The following XDH variants were observed in gnomAD, a reference collection of about 807,000 sequenced individuals.
XDH encodes xanthine dehydrogenase/oxidase.
XDH carries 138 observed loss-of-function variants against 156.1 expected under a neutral mutation model. That is an observed-to-expected ratio of 0.88 (90% CI 0.77 to 1.02). The LOEUF (loss-of-function observed/expected upper bound fraction) is 1.02, where lower values mean the gene tolerates loss of function less well. XDH is among the 50% of genes least tolerant of loss of function. The pLI is 0.00. For synonymous variants in XDH, 669 were observed against 625.7 expected (o/e 1.07, Z -1.03); for missense variants, 1,849 against 1,684.9 (o/e 1.10, Z -1.71).
At chr2:31,410,082 T>A (rs1170208179) in intron 1 of XDH, among the ~76,000 whole-genome samples, 1 of 152,196 alleles carries the variant, frequency 6.6e-6, no homozygotes, top group East Asian at 1.9e-4. Flanking sequence ...TTTTGACATA[T>A]GCTACAACAT....
chr2:31,373,748 C>T, intron 16 of XDH, 125 bp downstream of exon 16: 3 of 900,630 alleles, frequency 3.3e-6, no homozygotes, highest in Non-Finnish European at 5.3e-6. Context: ...TATTTACGCA[C>T]AAGAGTAAGG....
At chr2:31,385,675 C>T (rs1686569058) in intron 9 of XDH, among the ~76,000 whole-genome samples, 1 of 152,190 alleles carries the variant, frequency 6.6e-6, no homozygotes, top group Non-Finnish European at 1.5e-5. Flanking sequence ...GGAACCTCTC[C>T]CCATCTCTTA....
In XDH at chr2:31,339,575, T is replaced by A; in HGVS notation, c.3688A>T (p.Ile1230Phe). ...LHTRGPSTYK[I>F]PAFGSIPIEF... ...ATGGGGATGCTGCCAAATGCCGGGA[T>A]CTTGTAGGTGCTAGGGCCACGGGTG... Residue 1230 changes from isoleucine (I) to phenylalanine (F), a missense_variant, in exon 34 of 36, where the codon ATC becomes TTC. Transcript: ENST00000379416. 6.2e-7 allele frequency: 1 copy of A among 1,614,122 alleles called. No homozygotes were observed. Among genetic ancestry groups the A allele is most frequent in the Non-Finnish European group, 8.5e-7 (1 of 1,180,034 alleles).
intron 34 of XDH, among the ~76,000 whole-genome samples, chr2:31,338,232 A>G (rs1685020587): frequency 6.6e-6 from 1 of 152,238 alleles, no homozygotes; most frequent in African/African-American, 2.4e-5. Context: ...CACCATAGTC[A>G]TATTACAGCA....
At position 31,339,577 on chromosome 2, in the gene XDH, T is replaced by G. The variant is rs1279191010; in HGVS notation, c.3686A>C (p.Lys1229Thr). 2 of 1,614,214 alleles carry G rather than the reference T, an allele frequency of 1.2e-6. No individual in the cohort carries two copies. Among genetic ancestry groups the G allele is most frequent in the Non-Finnish European group, 1.7e-6 (2 of 1,180,046 alleles). ...GGGGATGCTGCCAAATGCCGGGATC[T>G]TGTAGGTGCTAGGGCCACGGGTGTG... ...SLHTRGPSTY[K>T]IPAFGSIPIE... Residue 1229 changes from lysine to threonine, a missense_variant, in exon 34 of 36, where the codon AAG (lysine) becomes ACG (threonine). By Grantham distance (78) the Lys-to-Thr change is moderately conservative. Transcript: ENST00000379416.
chr2:31,394,277 A>T (rs206855), intron 6 of XDH, among the ~76,000 whole-genome samples: 71,390 of 151,852 alleles, frequency 0.47, 16,892 homozygotes, highest in African/African-American at 0.49. Flanking sequence ...CTTTTGAAGG[A>T]TACTTACGGA....
At chr2:31,390,864 T>C (rs1376568399) in intron 6 of XDH, among the ~76,000 whole-genome samples, 1 of 152,228 alleles carries the variant, frequency 6.6e-6, no homozygotes, top group East Asian at 1.9e-4. Flanking sequence ...CATTGTCTTA[T>C]TGCTGAGTTT....
intron 33 of XDH, among the ~76,000 whole-genome samples, chr2:31,341,113 C>G (rs1685111619): frequency 6.6e-6 from 1 of 152,170 alleles, no homozygotes; most frequent in African/African-American, 2.4e-5. Flanking sequence ...TGTGAGTGCC[C>G]TTCCCAAGTT....
At chr2:31,352,535 A>T (rs1420747095) in intron 24 of XDH, among the ~76,000 whole-genome samples, 2 of 152,074 alleles carry the variant, frequency 1.3e-5, no homozygotes, top group East Asian at 3.9e-4. Flanking sequence ...TTCTTTTATC[A>T]TCTACTTCCC....
chr2:31,346,179 G>A (rs1457180043), intron 30 of XDH, among the ~76,000 whole-genome samples: 4 of 152,290 alleles, frequency 2.6e-5, no homozygotes, highest in South Asian at 4.2e-4. Context: ...ACAGCCTCCC[G>A]CCTGCAAGAG....
chr2:31,408,256 T>G (rs1452875903), intron 1 of XDH, among the ~76,000 whole-genome samples: 1 of 152,222 alleles, frequency 6.6e-6, no homozygotes, highest in Non-Finnish European at 1.5e-5. Flanking sequence ...TCCACCTGCA[T>G]TTTGACTTAT....
At chr2:31,365,080 T>G (rs1175188516) in intron 23 of XDH, among the ~76,000 whole-genome samples, 2 of 152,212 alleles carry the variant, frequency 1.3e-5, no homozygotes, top group Non-Finnish European at 2.9e-5. Context: ...GAAGTTTTAT[T>G]TCTCACAGTA....
chr2:31,371,208 T>TG (rs150588223), intron 17 of XDH, among the ~76,000 whole-genome samples: 3,916 of 152,338 alleles, frequency 0.026, 91 homozygotes, highest in East Asian at 0.12. Context: ...CATGCCCCCA[T>TG]GGGGAAATAG....
chr2:31,396,082 G>C (rs560645403), intron 6 of XDH, among the ~76,000 whole-genome samples: 1 of 152,148 alleles, frequency 6.6e-6, no homozygotes, highest in South Asian at 2.1e-4. Context: ...AAGTAAAAAG[G>C]CTCTGAAGAA....
At chr2:31,388,337 A>G (rs771641915) in intron 6 of XDH, 42 bp from the exon 7 acceptor site, 17 of 1,601,574 alleles carry the variant, frequency 1.1e-5, no homozygotes, top group Admixed American at 1.7e-5. Flanking sequence ...ATTTACAAAG[A>G]GTATTTGCAG....
At chr2:31,401,788 G>A (rs1282771965) in intron 3 of XDH, among the ~76,000 whole-genome samples, 1 of 152,182 alleles carries the variant, frequency 6.6e-6, no homozygotes, top group African/African-American at 2.4e-5. Flanking sequence ...GGGGAAAGGG[G>A]GAGGAAACCC....
chr2:31,359,768 T>C (rs1404230846), intron 24 of XDH, among the ~76,000 whole-genome samples: 11 of 152,224 alleles, frequency 7.2e-5, no homozygotes, highest in Admixed American at 7.2e-4. Flanking sequence ...GTGGCTCAAA[T>C]TAATCAATAT....
chr2:31,379,138 T>C (rs1406923520), intron 13 of XDH, among the ~76,000 whole-genome samples: 1 of 152,162 alleles, frequency 6.6e-6, no homozygotes, highest in Non-Finnish European at 1.5e-5. Context: ...GGATGTGTTC[T>C]GAGCTGGTAG....
chr2:31,369,404 G>A (rs1220998544), intron 18 of XDH, among the ~76,000 whole-genome samples: 1 of 152,120 alleles, frequency 6.6e-6, no homozygotes. Flanking sequence ...ATCTCCTTCA[G>A]AGATAATTGT....
Sources: allele counts gnomAD v4.1 joint callset (sites outside exome capture counted in the v4.1 genomes callset), GRCh38; gene constraint gnomAD v4.1.1; transcripts MANE v1.5; gene names NCBI Gene and HGNC (gene_info 2026-07-23, HGNC 2026-07-21).